KNSTRN: variants seen among roughly 807,000 people sequenced by gnomAD.
The protein encoded by KNSTRN is kinetochore localized astrin (SPAG5) binding protein.
In KNSTRN, 38 loss-of-function variants were observed where a neutral mutation model predicts 44.7. The ratio of observed to expected loss-of-function variants is 0.85; its 90% confidence interval spans 0.66 to 1.11. The LOEUF (loss-of-function observed/expected upper bound fraction) is 1.11, where lower values mean the gene tolerates loss of function less well. Ranked by LOEUF, KNSTRN falls within the 50% of genes most tolerant of loss-of-function variation. The probability of loss-of-function intolerance (pLI) is 0.00; values close to 1 mark genes in which losing one functional copy is unlikely to be tolerated. For synonymous variants in KNSTRN, 158 were observed against 148.1 expected, an observed-to-expected ratio of 1.07 and a Z score of -0.48; for missense variants, 406 against 375.8, an observed-to-expected ratio of 1.08 and a Z score of -0.66.
chr15:40,384,369 G>T (rs890352057), intron 2 of KNSTRN: 19 of 429,452 alleles, frequency 4.4e-5, no homozygotes, highest in Middle Eastern at 4.2e-4. Flanking sequence ...GCGAGACTCC[G>T]TCTCAAAAAA....
At chr15:40,384,613 CTT>C (rs1292748442) in intron 2 of KNSTRN, 1 of 368,664 alleles carries the variant, frequency 2.7e-6, no homozygotes. Flanking sequence ...GTGTTCATCT[CTT>C]TGATTTCTAT....
Position 40,389,628 on chromosome 15 carries a change from A to G in KNSTRN, c.591+17A>G, listed in dbSNP as rs751901631. ...GAAACTCAGGTAAGAGACCCACCAG[A>G]GCTCTGTTACCAGCTGCCACTGGGC... On this transcript the variant is annotated intron_variant, in intron 5 of 8. Transcript: ENST00000249776. 1 of 1,573,086 alleles carries G rather than the reference A, an allele frequency of 6.4e-7. No homozygotes were observed.
intron 8 of KNSTRN, among the ~76,000 whole-genome samples, 170 bp downstream of exon 8, chr15:40,392,193 TTTTTCCAACTTTTAAG>T (rs1405626180): frequency 6.6e-6 from 1 of 151,942 alleles, no homozygotes; most frequent in Non-Finnish European, 1.5e-5. Flanking sequence ...CGTGTTTTTT[TTTTTCCAACTTTTAAG>T]TTCAGGGGTA....
At chr15:40,386,290 G>A in intron 2 of KNSTRN, 72 bp from the exon 3 acceptor site, 1 of 1,436,188 alleles carries the variant, frequency 7.0e-7, no homozygotes, top group Non-Finnish European at 9.5e-7. Flanking sequence ...TTCGAATGGG[G>A]CTCTGTTTGT....
chr15:40,391,594 CTG>C (rs764544702), intron 7 of KNSTRN, 40 bp downstream of exon 7: 2 of 1,490,850 alleles, frequency 1.3e-6, no homozygotes, highest in Non-Finnish European at 1.9e-6. Context: ...GGCTGAGTGA[CTG>C]TGGGGCTCTG....
chr15:40,386,367 C>A lies in KNSTRN; in HGVS notation c.310C>A (p.Gln104Lys). 1 of 1,613,432 alleles carries A rather than the reference C, an allele frequency of 6.2e-7. No homozygotes were observed. The highest frequency in any genetic ancestry group is 8.5e-7 in the Non-Finnish European group (1 of 1,179,670). Residue 104 changes from glutamine to lysine, a missense_variant, in exon 3 of 9, where the codon CAA (glutamine) becomes AAA (lysine). Transcript: ENST00000249776. ...CCTCTCATTTTCCTTTGCAGACACACAAACTCGGGCCACTTCTAAGAGTCT... is the reference window on the plus strand; with the variant it reads ...CCTCTCATTTTCCTTTGCAGACACAAAAACTCGGGCCACTTCTAAGAGTCT... ...ALSGGQPADT[Q>K]TRATSKSLLP...
At chr15:40,383,455 A>G (rs1889850735) in intron 2 of KNSTRN, 133 bp downstream of exon 2, 3 of 644,312 alleles carry the variant, frequency 4.7e-6, no homozygotes, top group Non-Finnish European at 2.7e-6. Flanking sequence ...GCCCCCTATA[A>G]CCAGGCTATG....
chr15:40,389,705 T>C, intron 5 of KNSTRN, 94 bp downstream of exon 5: 1 of 1,293,692 alleles, frequency 7.7e-7, no homozygotes, highest in Non-Finnish European at 1.1e-6. Context: ...AGCTTGTTAA[T>C]GCACAGATGC....
intron 8 of KNSTRN, among the ~76,000 whole-genome samples, chr15:40,393,017 C>G (rs1396840412): frequency 6.7e-6 from 1 of 148,156 alleles, no homozygotes; most frequent in Admixed American, 6.7e-5. Flanking sequence ...TTTTTTTTTT[C>G]TGTTACCGAG....
Position 40,382,881 on chromosome 15 carries a change from A to T in KNSTRN, c.46A>T (p.Thr16Ser), listed in dbSNP as rs1307486609. Residue 16 changes from threonine (T) to serine (S), a missense_variant, in exon 1 of 9, where the codon ACA (threonine) becomes TCA (serine). Physicochemically the swap from Thr to Ser is moderately conservative, Grantham distance 58. Coordinates refer to ENST00000249776, the MANE Select transcript of KNSTRN (RefSeq NM_033286.4). ...GCCCCTGGACAGAGTTTTCCGTACAACATGGCTGTCTACAGAGTGCGATTC... is the reference window on the plus strand; with the variant it reads ...GCCCCTGGACAGAGTTTTCCGTACATCATGGCTGTCTACAGAGTGCGATTC... ...APPLDRVFRTTWLSTECDSHP... is the reference protein window; with the variant it reads ...APPLDRVFRTSWLSTECDSHP... 1.2e-6 allele frequency: 2 copies of T among 1,612,134 alleles called. No individual in the cohort carries two copies. Among genetic ancestry groups the T allele is most frequent in the Non-Finnish European group, 1.7e-6 (2 of 1,180,032 alleles).
intron 2 of KNSTRN, chr15:40,384,068 C>A: frequency 5.9e-6 from 1 of 170,788 alleles, no homozygotes; most frequent in South Asian, 1.1e-4. Context: ...GTACATAAAC[C>A]TTGGCAAGAT....
intron 5 of KNSTRN, 40 bp from the exon 6 acceptor site, chr15:40,389,796 G>A (rs1225509650): frequency 3.8e-6 from 6 of 1,588,096 alleles, no homozygotes; most frequent in Non-Finnish European, 5.2e-6. Flanking sequence ...CCCCTAGGGA[G>A]TTGGACAATT....
intron 5 of KNSTRN, 111 bp from the exon 6 acceptor site, chr15:40,389,725 G>A: frequency 3.1e-6 from 4 of 1,303,816 alleles, no homozygotes; most frequent in South Asian, 1.2e-5. Flanking sequence ...CCCAAGGGCA[G>A]AAAAAAAAAG....
At chr15:40,390,610 G>A (rs1889981650) in intron 6 of KNSTRN, among the ~76,000 whole-genome samples, 1 of 151,956 alleles carries the variant, frequency 6.6e-6, no homozygotes, top group African/African-American at 2.4e-5. Context: ...GGTTACAGTT[G>A]AGGATATTCT....
At chr15:40,389,162 T>C in intron 4 of KNSTRN, 2 of 459,224 alleles carry the variant, frequency 4.4e-6, no homozygotes, top group South Asian at 3.1e-5. Flanking sequence ...TCTTTTTTTT[T>C]TAGACGGAGT....
chr15:40,383,169 C>A, intron 1 of KNSTRN, 59 bp from the exon 2 acceptor site: 1 of 1,586,784 alleles, frequency 6.3e-7, no homozygotes, highest in Non-Finnish European at 8.6e-7. Context: ...TCCCCGGGCC[C>A]TCCACTCTCT....
chr15:40,389,787 C>T (rs1889967183), intron 5 of KNSTRN, 49 bp from the exon 6 acceptor site: 3 of 1,568,714 alleles, frequency 1.9e-6, no homozygotes, highest in Non-Finnish European at 2.6e-6. Flanking sequence ...GGGCAACCAC[C>T]CCTAGGGAGT....
intron 4 of KNSTRN, among the ~76,000 whole-genome samples, chr15:40,388,833 T>C (rs1420428832): frequency 6.6e-6 from 1 of 152,178 alleles, no homozygotes; most frequent in Non-Finnish European, 1.5e-5. Flanking sequence ...TGCAGAGATT[T>C]TGTTTATGGC....
chr15:40,393,585 A>G lies in KNSTRN; in HGVS notation c.939A>G (p.Leu313=), dbSNP rs569657077. The G allele has an allele frequency of 5.0e-6, 8 of 1,613,650 alleles. No homozygotes were observed. In the South Asian group the frequency reaches 5.5e-5, roughly 11 times the overall value. ...CAGCCCTTAAGGAAATGGAGCAGCT[A>G]TTAGAAATGTAAGAAGAAGCAAGTG... ...LTTALKEMEQ[L]LEM is the part of the protein sequence containing the mutation. The change falls in exon 9 of 9, where the codon CTA becomes CTG. Residue 313 remains leucine, a synonymous_variant. Coordinates refer to ENST00000249776, the MANE Select transcript of KNSTRN (RefSeq NM_033286.4).
Sources: gnomAD v4.1 joint callset for allele counts (sites outside exome capture counted in the v4.1 genomes callset) on GRCh38, gnomAD v4.1.1 for gene constraint, MANE v1.5 for transcripts, NCBI Gene and HGNC (gene_info 2026-07-23, HGNC 2026-07-21) for gene names.